RELL1: variants seen among roughly 807,000 people sequenced by gnomAD.
The protein encoded by RELL1 is RELT like 1, also known as RELT-like protein 1.
In RELL1, 10 loss-of-function variants were observed where a neutral mutation model predicts 23.0. The ratio of observed to expected loss-of-function variants is 0.43; its 90% CI spans 0.27 to 0.74. The LOEUF (loss-of-function observed/expected upper bound fraction) is 0.74. Among genes scored for constraint, RELL1 ranks in the 30% least tolerant of loss-of-function variants. RELL1 has a pLI of 0.19. For synonymous variants in RELL1, 146 were observed against 146.8 expected (o/e 0.99, Z 0.04); for missense variants, 315 against 364.4 (o/e 0.86, Z 1.10).
chr4:37,617,680 G>T (rs888364927), intron 6 of RELL1, among the ~76,000 whole-genome samples: 1 of 152,198 alleles, frequency 6.6e-6, no homozygotes, highest in African/African-American at 2.4e-5. Context: ...CTACTTGGGA[G>T]GCTGAGGCAA....
intron 5 of RELL1, among the ~76,000 whole-genome samples, chr4:37,632,344 T>C (rs958288138): frequency 1.3e-4 from 19 of 143,018 alleles, no homozygotes; most frequent in African/African-American, 5.3e-4. Context: ...GCTAATTTTG[T>C]ATTTTTAGTA....
In RELL1 at chr4:37,611,055, TAC is replaced by T. The variant is rs1250784795; in HGVS notation, c.*2289_*2290del. Among the ~76,000 whole-genome samples, 5 of 152,200 alleles carry T rather than the reference TAC, an allele frequency of 3.3e-5. No individual in the cohort carries two copies. The highest frequency in any genetic ancestry group is 1.3e-4 in the Admixed American group (2 of 15,280). ...ATTTAAAACATACTCTTGGTATCAA[TAC>T]AGTTTTAAATATTTTTGAGTATTCT... On this transcript the variant is annotated 3_prime_UTR_variant, in exon 7 of 7. Coordinates refer to ENST00000454158, the MANE Select transcript of RELL1 (RefSeq NM_001085400.2).
At chr4:37,681,518 GTTTTTTTTT>G (rs55800176) in intron 1 of RELL1, among the ~76,000 whole-genome samples, 3 of 56,944 alleles carry the variant, frequency 5.3e-5, no homozygotes, top group East Asian at 5.4e-4. Flanking sequence ...GTCTCCTTCT[GTTTTTTTTT>G]TTTTTTTTTT....
At chr4:37,595,944 T>C (rs1718825663) in intron 6 of RELL1, among the ~76,000 whole-genome samples, 1 of 152,164 alleles carries the variant, frequency 6.6e-6, no homozygotes, top group South Asian at 2.1e-4. Flanking sequence ...GGGTGTATAT[T>C]CGTGTAATGA....
chr4:37,590,438 A>G, downstream of RELL1: 1 of 1,611,676 alleles, frequency 6.2e-7, no homozygotes, highest in South Asian at 1.1e-5. Context: ...AGTACTGCAA[A>G]TACTGTTCCC....
At chr4:37,625,718 ATGTAT>A (rs1719914570) in intron 6 of RELL1, among the ~76,000 whole-genome samples, 1 of 152,196 alleles carries the variant, frequency 6.6e-6, no homozygotes, top group Admixed American at 6.5e-5. Context: ...GTTAATAACA[ATGTAT>A]TGTATTCTTG....
chr4:37,686,258 G>C lies in RELL1; in HGVS notation c.30C>G (p.Ala10=). The change falls in exon 1 of 7, where the codon GCC becomes GCG. Residue 10 remains alanine (A), a synonymous_variant. Coordinates refer to ENST00000454158, the MANE Select transcript of RELL1 (RefSeq NM_001085400.2). ...CCACGAAGACAGCAGCGGCTAGGAC[G>C]GCGGACCCCGGGAGTGCCCGCGGAG... The part of the protein sequence containing the change: MAPRALPGS[A]VLAAAVFVGG... 6.4e-7 allele frequency: 1 copy of C among 1,565,670 alleles called. No homozygotes were observed. The highest frequency in any genetic ancestry group is 8.6e-7 in the Non-Finnish European group (1 of 1,164,488).
intron 6 of RELL1, among the ~76,000 whole-genome samples, chr4:37,599,268 G>A (rs1360311673): frequency 2.0e-5 from 3 of 152,172 alleles, no homozygotes; most frequent in Non-Finnish European, 4.4e-5. Context: ...CAGAGCAAGA[G>A]GTTTAATGGG....
intron 1 of RELL1, among the ~76,000 whole-genome samples, chr4:37,659,784 C>T (rs1367311162): frequency 6.6e-6 from 1 of 152,174 alleles, no homozygotes; most frequent in Non-Finnish European, 1.5e-5. Flanking sequence ...GCCCATCCTC[C>T]ATGTCCACAA....
chr4:37,598,094 T>TATATATAA (rs1000920633), intron 6 of RELL1, among the ~76,000 whole-genome samples: 2 of 140,262 alleles, frequency 1.4e-5, no homozygotes, highest in South Asian at 2.2e-4. Flanking sequence ...TATATATATA[T>TATATATAA]AACTCCTCCT....
chr4:37,663,096 G>A (rs994298711), intron 1 of RELL1, among the ~76,000 whole-genome samples: 2 of 152,140 alleles, frequency 1.3e-5, no homozygotes, highest in African/African-American at 2.4e-5. Context: ...AGAGAGGGGC[G>A]TGAGGAAAAG....
At chr4:37,621,943 AC>A (rs1256548192) in intron 6 of RELL1, among the ~76,000 whole-genome samples, 1 of 152,222 alleles carries the variant, frequency 6.6e-6, no homozygotes, top group East Asian at 1.9e-4. Context: ...CTTAGAAAAA[AC>A]ATCATAGTTG....
intron 6 of RELL1, among the ~76,000 whole-genome samples, chr4:37,594,028 A>G (rs1286096519): frequency 6.6e-6 from 1 of 152,232 alleles, no homozygotes; most frequent in Non-Finnish European, 1.5e-5. Flanking sequence ...ACAGCTGCAG[A>G]GTTCACCATA....
intron 6 of RELL1, among the ~76,000 whole-genome samples, chr4:37,629,114 C>A (rs768528118): frequency 6.6e-6 from 1 of 152,156 alleles, no homozygotes; most frequent in Admixed American, 6.5e-5. Flanking sequence ...AGTTCCTAAT[C>A]GAGGGCAAGC....
chr4:37,592,990 A>G (rs1718689699), intron 6 of RELL1, among the ~76,000 whole-genome samples: 2 of 152,210 alleles, frequency 1.3e-5, no homozygotes. Context: ...TAAGGACGGC[A>G]CCCTTACAAA....
intron 1 of RELL1, among the ~76,000 whole-genome samples, chr4:37,651,104 G>A (rs1414953339): frequency 6.6e-6 from 1 of 151,206 alleles, no homozygotes; most frequent in Non-Finnish European, 1.5e-5. Flanking sequence ...GTATTAAAAA[G>A]TTAGCCTTAT....
At chr4:37,680,570 A>T (rs1344485419) in intron 1 of RELL1, among the ~76,000 whole-genome samples, 1 of 152,208 alleles carries the variant, frequency 6.6e-6, no homozygotes, top group Non-Finnish European at 1.5e-5. Flanking sequence ...TAAACTGAAA[A>T]AGTCATGATA....
intron 6 of RELL1, among the ~76,000 whole-genome samples, chr4:37,625,797 A>T (rs1719916788): frequency 6.6e-6 from 1 of 152,254 alleles, no homozygotes; most frequent in African/African-American, 2.4e-5. Context: ...ATGATGTAAT[A>T]CATATGTCAA....
chr4:37,682,659 G>A (rs934530468), intron 1 of RELL1, among the ~76,000 whole-genome samples: 8 of 152,176 alleles, frequency 5.3e-5, no homozygotes, highest in African/African-American at 1.9e-4. Flanking sequence ...ATGTAGATAT[G>A]GACTCCCAAG....
Sources: gnomAD v4.1 joint callset for allele counts (sites outside exome capture counted in the v4.1 genomes callset) on GRCh38, gnomAD v4.1.1 for gene constraint, MANE v1.5 for transcripts, NCBI Gene and HGNC (gene_info 2026-07-23, HGNC 2026-07-21) for gene names.